TTC29: variants seen among roughly 807,000 people sequenced by gnomAD.
TTC29 encodes the protein tetratricopeptide repeat protein 29.
A neutral mutation model predicts 58.1 loss-of-function variants in TTC29; 49 were observed. That is an observed-to-expected ratio of 0.84 (90% CI 0.67 to 1.07). The LOEUF (loss-of-function observed/expected upper bound fraction) is 1.07, where lower values mean the gene tolerates loss of function less well. Among genes scored for constraint, TTC29 ranks in the 50% least tolerant of loss-of-function variants. The pLI is 0.00. For missense variants in TTC29, 582 were observed against 555.6 expected, an observed-to-expected ratio of 1.05 and a Z score of -0.48; for synonymous variants, 209 against 196.8, an observed-to-expected ratio of 1.06 and a Z score of -0.52.
intron 9 of TTC29, among the ~76,000 whole-genome samples, chr4:146,826,284 G>A (rs1477150800): frequency 2.0e-5 from 3 of 151,836 alleles, no homozygotes; most frequent in Non-Finnish European, 4.4e-5. Flanking sequence ...TTCTTTCAGG[G>A]AAGCACCAGG....
chr4:146,892,168 G>C (rs1036601412), intron 6 of TTC29, among the ~76,000 whole-genome samples: 1 of 151,516 alleles, frequency 6.6e-6, no homozygotes, highest in African/African-American at 2.4e-5. Flanking sequence ...CATGAAATCT[G>C]GTTGTTTAAA....
intron 4 of TTC29, among the ~76,000 whole-genome samples, chr4:146,927,780 T>C (rs921142823): frequency 6.6e-6 from 1 of 152,128 alleles, no homozygotes. Context: ...AGATAAAAGC[T>C]TGCCCAGTAC....
chr4:146,928,514 G>T (rs948888762), intron 4 of TTC29, among the ~76,000 whole-genome samples: 1 of 152,130 alleles, frequency 6.6e-6, no homozygotes, highest in Non-Finnish European at 1.5e-5. Context: ...GCACAGGCTG[G>T]GATGAGACTG....
At chr4:146,738,104 A>C (rs562672829) in intron 11 of TTC29, among the ~76,000 whole-genome samples, 1 of 152,320 alleles carries the variant, frequency 6.6e-6, no homozygotes, top group East Asian at 1.9e-4. Flanking sequence ...AAATGGACTG[A>C]GCGGGAGGCA....
chr4:146,718,404 C>T (rs968606840), intron 11 of TTC29, among the ~76,000 whole-genome samples: 1 of 152,076 alleles, frequency 6.6e-6, no homozygotes, highest in African/African-American at 2.4e-5. Context: ...TGGTAACAGC[C>T]GTTCTAACAG....
chr4:146,713,416 C>G (rs1742675108), intron 11 of TTC29, among the ~76,000 whole-genome samples: 1 of 151,964 alleles, frequency 6.6e-6, no homozygotes, highest in Non-Finnish European at 1.5e-5. Flanking sequence ...TAATCTCACT[C>G]TATCAAAAAT....
At chr4:146,804,086 C>G (rs1458018041) in intron 10 of TTC29, among the ~76,000 whole-genome samples, 1 of 152,104 alleles carries the variant, frequency 6.6e-6, no homozygotes, top group South Asian at 2.1e-4. Flanking sequence ...GTGGGTGCAG[C>G]CCATGGAGGG....
intron 11 of TTC29, among the ~76,000 whole-genome samples, chr4:146,737,686 G>T (rs1014843495): frequency 2.8e-4 from 43 of 151,838 alleles, no homozygotes; most frequent in African/African-American, 1.0e-3. Flanking sequence ...TGCTCAGGGT[G>T]CCATTGAAAA....
At chr4:146,876,867 T>C (rs72958283) in intron 6 of TTC29, among the ~76,000 whole-genome samples, 18,617 of 137,238 alleles carry the variant, frequency 0.14, 1,442 homozygotes, top group East Asian at 0.22. Flanking sequence ...ACCCAGGAGG[T>C]GGAGATTGTG....
chr4:146,797,496 A>G (rs1749906719), intron 11 of TTC29, among the ~76,000 whole-genome samples: 1 of 152,018 alleles, frequency 6.6e-6, no homozygotes, highest in African/African-American at 2.4e-5. Flanking sequence ...ATGGTTTTGA[A>G]AGATATTTTC....
chr4:146,791,185 G>C (rs1749422024), intron 11 of TTC29, among the ~76,000 whole-genome samples: 1 of 152,100 alleles, frequency 6.6e-6, no homozygotes, highest in Non-Finnish European at 1.5e-5. Context: ...AACATGCACT[G>C]TTTCATTGTG....
At chr4:146,749,311 A>T (rs1745790337) in intron 11 of TTC29, among the ~76,000 whole-genome samples, 1 of 152,164 alleles carries the variant, frequency 6.6e-6, no homozygotes, top group Admixed American at 6.5e-5. Flanking sequence ...ACCCTGTCTC[A>T]AAACAAACTA....
intron 8 of TTC29, among the ~76,000 whole-genome samples, chr4:146,866,668 T>G (rs1730584032): frequency 6.6e-6 from 1 of 152,148 alleles, no homozygotes; most frequent in South Asian, 2.1e-4. Flanking sequence ...AAGAGTCATC[T>G]AGGAAAACCT....
intron 11 of TTC29, among the ~76,000 whole-genome samples, chr4:146,743,475 C>G (rs1008699259): frequency 6.6e-6 from 1 of 152,144 alleles, no homozygotes; most frequent in Non-Finnish European, 1.5e-5. Context: ...CAGAAGTGAA[C>G]AAGCAGCACA....
At chr4:146,780,302 G>GGGGTGTGTGT (rs373330447) in intron 11 of TTC29, among the ~76,000 whole-genome samples, 5 of 138,456 alleles carry the variant, frequency 3.6e-5, no homozygotes, top group Admixed American at 2.2e-4. Flanking sequence ...CCTAACTTGG[G>GGGGTGTGTGT]GTGTGTGTGT....
At chr4:146,737,593 G>GGC (rs1554007349) in intron 11 of TTC29, among the ~76,000 whole-genome samples, 1 of 145,188 alleles carries the variant, frequency 6.9e-6, no homozygotes, top group African/African-American at 2.6e-5. Context: ...GTAGCCCTGG[G>GGC]GGGGGGGGGG....
intron 11 of TTC29, among the ~76,000 whole-genome samples, chr4:146,720,779 C>T (rs1372892782): frequency 6.6e-6 from 1 of 152,140 alleles, no homozygotes; most frequent in Non-Finnish European, 1.5e-5. Flanking sequence ...GAGATTCACA[C>T]TACTCCACTC....
In TTC29 at chr4:146,844,433, A is replaced by G. The variant is rs554985558; in HGVS notation, c.886-10536T>C. On this transcript the variant is annotated intron_variant, in intron 8 of 12. Transcript: ENST00000325106. ...TCTAACTCTCAATCGTTACTGTACTATAAATAAAAAAATGTGGAATATTTA... is the reference window on the plus strand; with the variant it reads ...TCTAACTCTCAATCGTTACTGTACTGTAAATAAAAAAATGTGGAATATTTA... 3.3e-5 allele frequency among the ~76,000 whole-genome samples: 5 copies of G among 151,240 alleles called. No individual in the cohort carries two copies. The South Asian group carries it at 1.0e-3, about 32-fold the overall frequency.
intron 6 of TTC29, among the ~76,000 whole-genome samples, chr4:146,887,436 T>C (rs369685545): frequency 5.9e-5 from 9 of 152,012 alleles, no homozygotes; most frequent in African/African-American, 9.7e-5. Context: ...TGTGTAGAGA[T>C]TGTTTGTGTT....
Sources: allele counts gnomAD v4.1 joint callset (sites outside exome capture counted in the v4.1 genomes callset), GRCh38; gene constraint gnomAD v4.1.1; transcripts MANE v1.5; gene names NCBI Gene and HGNC (gene_info 2026-07-23, HGNC 2026-07-21).